TXNRD3: variants seen among roughly 807,000 people sequenced by gnomAD.
The protein encoded by TXNRD3 is thioredoxin reductase 3, also known as TXNRD3 neighbor gene protein.
TXNRD3 carries 68 observed loss-of-function variants against 78.2 expected under a neutral mutation model. The ratio of observed to expected loss-of-function variants is 0.87; its 90% confidence interval spans 0.72 to 1.06. The LOEUF (loss-of-function observed/expected upper bound fraction) is 1.06, where lower values mean the gene tolerates loss of function less well. Ranked by LOEUF, TXNRD3 falls within the 50% of genes least tolerant of loss-of-function variation. The pLI is 0.00. For missense variants in TXNRD3, 751 were observed against 809.5 expected (o/e 0.93, Z 0.88); for synonymous variants, 296 against 300.1 (o/e 0.99, Z 0.14).
intron 10 of TXNRD3, among the ~76,000 whole-genome samples, chr3:126,627,600 A>G (rs1938609447): frequency 6.6e-6 from 1 of 152,246 alleles, no homozygotes; most frequent in South Asian, 2.1e-4. Flanking sequence ...ACTTCATACC[A>G]ATACATTTGA....
chr3:126,615,389 T>G lies in TXNRD3; in HGVS notation c.1598A>C (p.Lys533Thr). The G allele has an allele frequency of 6.6e-7, 1 of 1,515,950 alleles. No individual in the cohort carries two copies. Among genetic ancestry groups the G allele is most frequent in the Non-Finnish European group, 8.8e-7 (1 of 1,137,310 alleles). 93.9% of individuals were successfully genotyped at this position (1,515,950 alleles called of 1,614,324 possible). A position where few individuals can be genotyped will look rare whatever the true frequency, so the allele number is the denominator to read the frequency against. The change falls in exon 13 of 16, where the codon AAA becomes ACA. Residue 533 changes from lysine to threonine, a missense_variant. Lys to Thr is a moderately conservative substitution (Grantham distance 78). Transcript: ENST00000524230. ...CTCTTTTTTATATACTTCAATAGCT[T>G]TCTCTTCAGATAATCCACAGCAACC...
chr3:126,607,703 C>T lies in TXNRD3; in HGVS notation c.*202G>A, dbSNP rs1330092870. ...TCAAGGAAGCAGTCCCACTGCTTCTCGCTGTCAGCAAGACCACAAGGCAGA... is the reference window on the plus strand; with the variant it reads ...TCAAGGAAGCAGTCCCACTGCTTCTTGCTGTCAGCAAGACCACAAGGCAGA... On this transcript the variant is annotated 3_prime_UTR_variant, in exon 16 of 16. Transcript: ENST00000524230. The T allele has an allele frequency of 1.3e-5, 5 of 370,610 alleles. No individual in the cohort carries two copies. Among genetic ancestry groups the T allele is most frequent in the East Asian group, 3.9e-5 (1 of 25,444 alleles). 23.0% of individuals were successfully genotyped at this position (370,610 alleles called of 1,614,324 possible).
intron 6 of TXNRD3, among the ~76,000 whole-genome samples, 199 bp downstream of exon 6, chr3:126,641,833 A>G (rs1367190045): frequency 6.6e-6 from 1 of 152,210 alleles, no homozygotes; most frequent in African/African-American, 2.4e-5. Context: ...AGCTGAGACA[A>G]TTCCCTCTCT....
chr3:126,636,375 C>A (rs1257768960), intron 6 of TXNRD3, among the ~76,000 whole-genome samples: 1 of 152,156 alleles, frequency 6.6e-6, no homozygotes, highest in Non-Finnish European at 1.5e-5. Context: ...TGATCCAAAG[C>A]TCTAAACAGT....
At chr3:126,609,115 G>C (rs1321842688) in intron 14 of TXNRD3, 1 of 437,544 alleles carries the variant, frequency 2.3e-6, no homozygotes, top group African/African-American at 2.0e-5. Flanking sequence ...TGAGAGGTAT[G>C]GGGTGCAGGC....
intron 11 of TXNRD3, 133 bp from the exon 12 acceptor site, chr3:126,622,031 T>C: frequency 4.4e-6 from 3 of 675,386 alleles, no homozygotes; most frequent in Non-Finnish European, 6.7e-6. Flanking sequence ...ATATCAATTA[T>C]ATATAAGGTC....
In TXNRD3 at chr3:126,607,220, AT is replaced by A. The variant is rs1938066350; in HGVS notation, c.*684del. The A allele has an allele frequency of 6.6e-6, 1 of 152,238 alleles. No homozygotes were observed. The highest frequency in any genetic ancestry group is 2.4e-5 in the African/African-American group (1 of 41,458). 9.4% of individuals were successfully genotyped at this position (152,238 alleles called of 1,614,324 possible). On this transcript the variant is annotated 3_prime_UTR_variant, in exon 16 of 16. Transcript: ENST00000524230. ...CAAGTACTTTTATCTTACATGAGAT[AT>A]TTTGCTCAGTCTCGAGATATTAATT...
At chr3:126,618,933 G>A (rs2107612650) in intron 12 of TXNRD3, among the ~76,000 whole-genome samples, 2 of 144,966 alleles carry the variant, frequency 1.4e-5, no homozygotes, top group South Asian at 4.4e-4. Context: ...TTTCTCATAA[G>A]ACATACACAT....
chr3:126,654,863 G>GGGGAC lies in TXNRD3; in HGVS notation c.123_127dup (p.Pro43ArgfsTer29). On this transcript the variant is annotated frameshift_variant, in exon 1 of 16. Transcript: ENST00000524230. LOFTEE classifies it high-confidence loss of function. ...GGCCTCGGACGAGCGGCTGGGCCCG[G>GGGGAC]GGGACGACAGGCGGGCACGGCGCCC... 7.4e-7 allele frequency: 1 copy of GGGGAC among 1,344,396 alleles called. No individual in the cohort carries two copies. The highest frequency in any genetic ancestry group is 9.5e-7 in the Non-Finnish European group (1 of 1,055,632). The allele number at this position is 1,344,396 out of a possible 1,614,324, so 83.3% of individuals were successfully genotyped here. A position where few individuals can be genotyped will look rare whatever the true frequency, so the allele number is the denominator to read the frequency against.
intron 1 of TXNRD3, among the ~76,000 whole-genome samples, chr3:126,651,043 T>A (rs573651383): frequency 6.6e-6 from 1 of 152,190 alleles, no homozygotes; most frequent in Non-Finnish European, 1.5e-5. Flanking sequence ...ATAACACTTA[T>A]TGAATGCCAT....
At chr3:126,630,325 A>G (rs1938677828) in intron 9 of TXNRD3, among the ~76,000 whole-genome samples, 1 of 152,264 alleles carries the variant, frequency 6.6e-6, no homozygotes, top group African/African-American at 2.4e-5. Context: ...AGCAGCATGC[A>G]GAGTTGTTCT....
At chr3:126,637,932 C>CTTTTTTTTTTTTTTTTT (rs71615916) in intron 6 of TXNRD3, among the ~76,000 whole-genome samples, 5 of 60,190 alleles carry the variant, frequency 8.3e-5, no homozygotes, top group East Asian at 6.9e-4. Context: ...ATTTCTCTCT[C>CTTTTTTTTTTTTTTTTT]TTTTTTTTTT....
At chr3:126,631,982 A>G (rs1938726062) in intron 7 of TXNRD3, 103 bp from the exon 8 acceptor site, 1 of 701,022 alleles carries the variant, frequency 1.4e-6, no homozygotes, top group Non-Finnish European at 2.5e-6. Context: ...TTCAACAGCA[A>G]CAGCAGACAT....
At chr3:126,629,979 A>G (rs990928252) in intron 9 of TXNRD3, among the ~76,000 whole-genome samples, 1 of 152,258 alleles carries the variant, frequency 6.6e-6, no homozygotes, top group Admixed American at 6.5e-5. Context: ...GTTTAAAACT[A>G]TGGGCCTAGA....
At chr3:126,618,863 C>CAAAAAAAAAAAAAAA (rs36021189) in intron 12 of TXNRD3, among the ~76,000 whole-genome samples, 1 of 73,118 alleles carries the variant, frequency 1.4e-5, no homozygotes, top group African/African-American at 4.6e-5. Context: ...AACTCAGAGC[C>CAAAAAAAAAAAAAAA]AAAAAAAAAA....
rs1370484464 is a variant in TXNRD3, at chr3:126,642,114, A to G, written c.630T>C (p.Pro210=). Reference sequence around the variant, plus strand: ...GGGCAGCCTGATGCATCAATTTCTTAGGAATACAACCTACATTTACACAAG... The same window carrying G: ...GGGCAGCCTGATGCATCAATTTCTTGGGAATACAACCTACATTTACACAAG... The change falls in exon 6 of 16, where the codon CCT becomes CCC. Residue 210 remains proline, a synonymous_variant. Transcript: ENST00000524230. The G allele has an allele frequency of 2.6e-6, 4 of 1,536,408 alleles. No individual in the cohort carries two copies. In the Admixed American group the frequency reaches 7.8e-5, roughly 30 times the overall value.
intron 1 of TXNRD3, among the ~76,000 whole-genome samples, chr3:126,650,600 C>T (rs1933365007): frequency 6.6e-6 from 1 of 151,714 alleles, no homozygotes; most frequent in Non-Finnish European, 1.5e-5. Context: ...AAGATCAAGC[C>T]ACTGCACTCC....
chr3:126,652,526 T>C (rs747896006), intron 1 of TXNRD3, among the ~76,000 whole-genome samples: 1 of 152,244 alleles, frequency 6.6e-6, no homozygotes, highest in Non-Finnish European at 1.5e-5. Context: ...ACAACAGTGA[T>C]TTAAAAAACT....
chr3:126,608,408 T>A, intron 15 of TXNRD3, 91 bp downstream of exon 15: 1 of 1,256,674 alleles, frequency 8.0e-7, no homozygotes, highest in South Asian at 1.9e-5. Context: ...ACAAATCAGT[T>A]ACTAATATGA....
Sources: gnomAD v4.1 joint callset for allele counts (sites outside exome capture counted in the v4.1 genomes callset) on GRCh38, gnomAD v4.1.1 for gene constraint, MANE v1.5 for transcripts, NCBI Gene and HGNC (gene_info 2026-07-23, HGNC 2026-07-21) for gene names.